PNPT1: variants seen among roughly 807,000 people sequenced by gnomAD.
PNPT1 encodes the protein polyribonucleotide nucleotidyltransferase 1, also known as polyribonucleotide nucleotidyltransferase 1, mitochondrial.
In PNPT1, 53 loss-of-function variants were observed where a neutral mutation model predicts 119.5. The observed-to-expected ratio is 0.44, with a 90% CI of 0.36 to 0.56. The LOEUF (loss-of-function observed/expected upper bound fraction) is 0.56. Among genes scored for constraint, PNPT1 ranks in the 20% least tolerant of loss-of-function variants. PNPT1 has a pLI of 0.00. For synonymous variants in PNPT1, 357 were observed against 322.1 expected (o/e 1.11, Z -1.16); for missense variants, 948 against 938.5 (o/e 1.01, Z -0.13).
In PNPT1 at chr2:55,636,368, C is replaced by T; in HGVS notation, c.2221G>A (p.Ala741Thr). 6.2e-7 allele frequency: 1 copy of T among 1,614,082 alleles called. No homozygotes were observed. Among genetic ancestry groups the T allele is most frequent in the African/African-American group, 1.3e-5 (1 of 75,062 alleles). Residue 741 changes from alanine to threonine, a missense_variant, in exon 28 of 28, where the codon GCC becomes ACC. Coordinates refer to ENST00000447944, the MANE Select transcript of PNPT1 (RefSeq NM_033109.5). ...IQVKYFGRDP[A>T]DGRMRLSRKV... Reference sequence around the variant, plus strand: ...CGAGAAAGCCTCATTCTTCCATCGGCTGGGTCACGTCCAAAGTATTTCACC... The same window carrying T: ...CGAGAAAGCCTCATTCTTCCATCGGTTGGGTCACGTCCAAAGTATTTCACC...
chr2:55,641,846 CTTT>C (rs202103021), intron 25 of PNPT1, among the ~76,000 whole-genome samples: 1 of 143,108 alleles, frequency 7.0e-6, no homozygotes, highest in Non-Finnish European at 1.5e-5. Flanking sequence ...CTGAAATTGG[CTTT>C]TTTTTTTTTT....
intron 27 of PNPT1, among the ~76,000 whole-genome samples, chr2:55,637,302 A>C (rs1695706287): frequency 6.6e-6 from 1 of 152,192 alleles, no homozygotes; most frequent in Non-Finnish European, 1.5e-5. Context: ...TAACACTAAC[A>C]TGCTCATGTA....
chr2:55,661,337 CACCTCG>C (rs1696567866), intron 14 of PNPT1, among the ~76,000 whole-genome samples: 1 of 152,018 alleles, frequency 6.6e-6, no homozygotes. Flanking sequence ...AGGATCCACC[CACCTCG>C]GCCTCCCAAG....
Position 55,651,622 on chromosome 2 carries a change from G to T in PNPT1, c.1495+3278C>A, listed in dbSNP as rs1170132333. Reference sequence around the variant, plus strand: ...ACCACTCCCTAATCTCAAGTACCCAGGGACACAAACACTGCGGAAGGCCGC... The same window carrying T: ...ACCACTCCCTAATCTCAAGTACCCATGGACACAAACACTGCGGAAGGCCGC... On this transcript the variant is annotated intron_variant, in intron 18 of 27. Transcript: ENST00000447944. Among the ~76,000 whole-genome samples the T allele has an allele frequency of 1.1e-4, 16 of 151,170 alleles. 1 individual carries two copies. The highest frequency in any genetic ancestry group is 3.9e-4 in the Admixed American group (6 of 15,200).
chr2:55,676,947 A>G (rs1366546425), intron 8 of PNPT1, among the ~76,000 whole-genome samples: 2 of 152,082 alleles, frequency 1.3e-5, no homozygotes, highest in East Asian at 1.9e-4. Context: ...GTATTTTTGT[A>G]TCACAGAAGT....
chr2:55,664,323 G>C (rs1696668751), intron 13 of PNPT1, among the ~76,000 whole-genome samples: 1 of 152,128 alleles, frequency 6.6e-6, no homozygotes, highest in Non-Finnish European at 1.5e-5. Context: ...ATTCTAAAAA[G>C]ACTGTGAGGG....
At chr2:55,637,999 CAAA>C (rs890316221) in intron 26 of PNPT1, among the ~76,000 whole-genome samples, 4 of 88,040 alleles carry the variant, frequency 4.5e-5, no homozygotes, top group Non-Finnish European at 4.7e-5. Flanking sequence ...GAATCCGTCT[CAAA>C]AAAAAAAAAA....
intron 18 of PNPT1, among the ~76,000 whole-genome samples, chr2:55,653,776 A>G (rs1004740399): frequency 2.4e-4 from 37 of 152,330 alleles, no homozygotes; most frequent in African/African-American, 8.4e-4. Context: ...ATATTATTAT[A>G]TATTCAAACC....
chr2:55,666,350 C>G (rs1303842040), intron 13 of PNPT1, among the ~76,000 whole-genome samples: 4 of 152,134 alleles, frequency 2.6e-5, no homozygotes, highest in Admixed American at 1.3e-4. Context: ...CCTCGAACTC[C>G]TGGCCTCAAG....
At chr2:55,637,406 C>T in intron 27 of PNPT1, 146 bp downstream of exon 27, 3 of 756,690 alleles carry the variant, frequency 4.0e-6, no homozygotes, top group Non-Finnish European at 6.7e-6. Context: ...TGAGTCTGTT[C>T]AAGCAATTCT....
chr2:55,681,578 C>G (rs2104160213), intron 5 of PNPT1, among the ~76,000 whole-genome samples: 1 of 152,326 alleles, frequency 6.6e-6, no homozygotes, highest in Non-Finnish European at 1.5e-5. Context: ...GGCATGGTGG[C>G]TCACGCCTGT....
At chr2:55,640,439 A>C (rs1572793567) in intron 26 of PNPT1, among the ~76,000 whole-genome samples, 188 bp downstream of exon 26, 1 of 152,276 alleles carries the variant, frequency 6.6e-6, no homozygotes, top group Admixed American at 6.5e-5. Flanking sequence ...GGCATGAGCC[A>C]CCCTGCCCAG....
chr2:55,675,289 C>CAA (rs757171568), intron 8 of PNPT1, among the ~76,000 whole-genome samples: 1 of 128,424 alleles, frequency 7.8e-6, no homozygotes, highest in Non-Finnish European at 1.7e-5. Context: ...GAACCAGATT[C>CAA]AAAAAAAAAA....
Position 55,673,156 on chromosome 2 carries a change from A to C in PNPT1, c.680-77T>G. The C allele has an allele frequency of 2.6e-6, 3 of 1,133,006 alleles. No individual in the cohort carries two copies. The South Asian group carries it at 5.0e-5, about 19-fold the overall frequency. The allele number at this position is 1,133,006 out of a possible 1,614,324, so 70.2% of individuals were successfully genotyped here. A position where few individuals can be genotyped will look rare whatever the true frequency, so the allele number is the denominator to read the frequency against. ...ATATAACATTTTCAAATACCATGAC[A>C]TGACATAAATATTATGGATCAATTT... On this transcript the variant is annotated intron_variant, in intron 8 of 27. Coordinates refer to ENST00000447944, the MANE Select transcript of PNPT1 (RefSeq NM_033109.5).
intron 13 of PNPT1, among the ~76,000 whole-genome samples, chr2:55,666,081 T>C (rs1021544916): frequency 6.6e-6 from 1 of 152,146 alleles, no homozygotes; most frequent in Non-Finnish European, 1.5e-5. Context: ...CAATTTTGTA[T>C]ACCCAATATT....
chr2:55,641,808 C>G (rs1695841125), intron 25 of PNPT1, among the ~76,000 whole-genome samples: 1 of 150,156 alleles, frequency 6.7e-6, no homozygotes, highest in Non-Finnish European at 1.5e-5. Flanking sequence ...ACAAGCTCTT[C>G]TAGCTGGTCA....
Position 55,654,817 on chromosome 2 carries a change from C to G in PNPT1, c.1495+83G>C, listed in dbSNP as rs1696332481. Reference sequence around the variant, plus strand: ...TCTTGAACTCCCAGCCTCAAGTGAGCCTCCTGCCTTGGCCTCCCAAGGCTC... The same window carrying G: ...TCTTGAACTCCCAGCCTCAAGTGAGGCTCCTGCCTTGGCCTCCCAAGGCTC... On this transcript the variant is annotated intron_variant, in intron 18 of 27. Coordinates refer to ENST00000447944, the MANE Select transcript of PNPT1 (RefSeq NM_033109.5). 7 of 1,278,944 alleles carry G rather than the reference C, an allele frequency of 5.5e-6. No individual in the cohort carries two copies. The South Asian group carries it at 8.9e-5, about 16-fold the overall frequency. The allele number at this position is 1,278,944 out of a possible 1,614,324, so 79.2% of individuals were successfully genotyped here.
chr2:55,636,157 G>T lies in PNPT1; in HGVS notation c.*80C>A. ...ATATTATATAGAAATCTACACAATG[G>T]AAGATACTACTAAAATGTTGCTCTA... On this transcript the variant is annotated 3_prime_UTR_variant, in exon 28 of 28. Transcript: ENST00000447944. 1.0e-6 allele frequency: 1 copy of T among 992,976 alleles called. No individual in the cohort carries two copies. The highest frequency in any genetic ancestry group is 1.4e-6 in the Non-Finnish European group (1 of 697,408). The allele number at this position is 992,976 out of a possible 1,614,324, so 61.5% of individuals were successfully genotyped here.
chr2:55,669,470 CAGAAA>C (rs1559102936), intron 11 of PNPT1, among the ~76,000 whole-genome samples: 2 of 152,122 alleles, frequency 1.3e-5, no homozygotes, highest in Admixed American at 6.5e-5. Context: ...GTATCTTCTT[CAGAAA>C]AGAATAATTT....
Sources: gnomAD v4.1 joint callset for allele counts (sites outside exome capture counted in the v4.1 genomes callset) on GRCh38, gnomAD v4.1.1 for gene constraint, MANE v1.5 for transcripts, NCBI Gene and HGNC (gene_info 2026-07-23, HGNC 2026-07-21) for gene names.